The following SLC26A9 variants were observed in gnomAD, a reference collection of about 807,000 sequenced individuals.
SLC26A9 encodes solute carrier family 26 member 9.
Under a neutral mutation model 87.1 loss-of-function variants are expected in SLC26A9, and 46 were observed. That is an observed-to-expected ratio of 0.53 (90% CI 0.42 to 0.67). The LOEUF is 0.67. Among genes scored for constraint, SLC26A9 ranks in the 30% least tolerant of loss-of-function variants. The pLI, the probability that SLC26A9 is intolerant of heterozygous loss-of-function variation, is 0.00. For synonymous variants in SLC26A9, 437 were observed against 409.1 expected, an observed-to-expected ratio of 1.07 and a Z score of -0.82; for missense variants, 927 against 1,018.3, an observed-to-expected ratio of 0.91 and a Z score of 1.22.
rs375592150 is a variant in SLC26A9, at chr1:205,928,831, G to A, written c.949C>T (p.Arg317Cys). The A allele has an allele frequency of 2.0e-5, 32 of 1,614,126 alleles. No individual in the cohort carries two copies. Among genetic ancestry groups the A allele is most frequent in the African/African-American group, 5.3e-5 (4 of 75,014 alleles). ...YHMQIVGEIQ[R>C]GFPTPVSPVV... ...TTCTGGGCCACCTGGACTCACCCGC[G>A]TTGGATTTCTCCCACGATCTGCATG... Residue 317 changes from arginine to cysteine, a missense_variant, in exon 8 of 21, where the codon CGC becomes TGC. Physicochemically the swap from Arg to Cys is radical, Grantham distance 180. Coordinates refer to ENST00000367135, the MANE Select transcript of SLC26A9 (RefSeq NM_052934.4).
At position 205,921,680 on chromosome 1, in the gene SLC26A9, G is replaced by A. The variant is rs766357475; in HGVS notation, c.1941C>T (p.Gly647=). The stretch of plus-strand genomic sequence containing the variant: ...CGCTGGCCAGCATGTCACTGGGCTC[G>A]CCGGGGGCCTCAGCGGAGGCTGGTG... The part of the protein sequence containing the change: ...SEPPASAEAP[G]EPSDMLASVP... The change falls in exon 17 of 21, where the codon GGC becomes GGT. Residue 647 remains glycine, a synonymous_variant. Transcript: ENST00000367135. The A allele has an allele frequency of 1.6e-5, 25 of 1,597,676 alleles. No homozygotes were observed. Among genetic ancestry groups the A allele is most frequent in the Non-Finnish European group, 1.8e-5 (21 of 1,172,372 alleles).
chr1:205,925,389 C>T (rs1692017), intron 12 of SLC26A9, among the ~76,000 whole-genome samples: 2 of 152,104 alleles, frequency 1.3e-5, no homozygotes, highest in African/African-American at 4.8e-5. Context: ...GGAAATTCCT[C>T]TAAAGGAAAT....
chr1:205,914,092 G>A lies in SLC26A9; in HGVS notation c.*1265C>T, dbSNP rs927201771. 24 of 152,184 alleles carry A rather than the reference G, an allele frequency of 1.6e-4. No individual in the cohort carries two copies. The highest frequency in any genetic ancestry group is 1.6e-3 in the Admixed American group (24 of 15,280). 9.4% of individuals were successfully genotyped at this position (152,184 alleles called of 1,614,324 possible). ...CCTCTCAATACCTCCTTGTACATAT[G>A]GAAAACTTAACCCCTATTTTCATCT... On this transcript the variant is annotated 3_prime_UTR_variant, in exon 21 of 21. Transcript: ENST00000367135.
Position 205,923,074 on chromosome 1 carries a change from T to C in SLC26A9, c.1773+8A>G, listed in dbSNP as rs374054686. On this transcript the variant is annotated splice_region_variant and intron_variant, in intron 16 of 20. Coordinates refer to ENST00000367135, the MANE Select transcript of SLC26A9 (RefSeq NM_052934.4). Reference sequence around the variant, plus strand: ...CAGGGCACGGGGCTGCTTCTGGCCTTCATTCACCTTGGTTTTCATGAATAG... The same window carrying C: ...CAGGGCACGGGGCTGCTTCTGGCCTCCATTCACCTTGGTTTTCATGAATAG... 4 of 1,613,064 alleles carry C rather than the reference T, an allele frequency of 2.5e-6. No individual in the cohort carries two copies. The highest frequency in any genetic ancestry group is 3.4e-6 in the Non-Finnish European group (4 of 1,179,188).
intron 8 of SLC26A9, chr1:205,928,520 C>T: frequency 2.1e-6 from 1 of 476,354 alleles, no homozygotes; most frequent in East Asian, 3.7e-5. Context: ...GGACAAAGAA[C>T]CAATGCATTA....
chr1:205,917,441 C>T (rs771420591), intron 19 of SLC26A9, 87 bp from the exon 20 acceptor site: 198 of 1,362,134 alleles, frequency 1.5e-4, no homozygotes, highest in Non-Finnish European at 1.9e-4. Context: ...GACAGGTGGC[C>T]GGCTCTGGTT....
chr1:205,927,128 G>A lies in SLC26A9; in HGVS notation c.1293+83C>T, dbSNP rs76093999. 3,174 of 1,412,548 alleles carry A rather than the reference G, an allele frequency of 2.2e-3. 33 individuals carry two copies. Among genetic ancestry groups the A allele is most frequent in the Middle Eastern group, 0.017 (90 of 5,328 alleles). 87.5% of individuals were successfully genotyped at this position (1,412,548 alleles called of 1,614,324 possible). A position where few individuals can be genotyped will look rare whatever the true frequency, so the allele number is the denominator to read the frequency against. On this transcript the variant is annotated intron_variant, in intron 11 of 20. Coordinates refer to ENST00000367135, the MANE Select transcript of SLC26A9 (RefSeq NM_052934.4). ...AAGTGTGACAACAGTGGCACTTTGT[G>A]GTCCGTAAAGTGCCACACAACTCTC...
intron 20 of SLC26A9, 33 bp from the exon 21 acceptor site, chr1:205,915,437 A>AAGAG (rs764709523): frequency 1.2e-6 from 2 of 1,613,150 alleles, no homozygotes; most frequent in South Asian, 2.2e-5. Context: ...GTGGGAGGGG[A>AAGAG]AGAGAGAGGT....
chr1:205,914,604 G>C lies in SLC26A9; in HGVS notation c.*753C>G. ...CCTCCAGGGGAAGGGAGCAGCCTCT[G>C]AGGGCAGTGATGTTTCAGGAGGCTG... On this transcript the variant is annotated 3_prime_UTR_variant, in exon 21 of 21. Coordinates refer to ENST00000367135, the MANE Select transcript of SLC26A9 (RefSeq NM_052934.4). 1 of 365,612 alleles carries C rather than the reference G, an allele frequency of 2.7e-6. No homozygotes were observed. Among genetic ancestry groups the C allele is most frequent in the Admixed American group, 4.2e-5 (1 of 23,660 alleles). 22.6% of individuals were successfully genotyped at this position (365,612 alleles called of 1,614,324 possible). A position where few individuals can be genotyped will look rare whatever the true frequency, so the allele number is the denominator to read the frequency against.
chr1:205,921,635 G>T lies in SLC26A9; in HGVS notation c.1986C>A (p.Phe662Leu). The change falls in exon 17 of 21, where the codon TTC (phenylalanine) becomes TTA (leucine). Residue 662 changes from phenylalanine to leucine, a missense_variant. Transcript: ENST00000367135. ...CACTCATGTCCAGGATGAGGGTGTG[G>T]AAGGTGACGAAGGGTGGGACGCTGG... Reference protein sequence around the residue: ...MLASVPPFVTFHTLILDMSGV... With the variant: ...MLASVPPFVTLHTLILDMSGV... 6.2e-7 allele frequency: 1 copy of T among 1,610,266 alleles called. No homozygotes were observed. The highest frequency in any genetic ancestry group is 8.5e-7 in the Non-Finnish European group (1 of 1,178,446).
rs146581591 is a variant in SLC26A9, at chr1:205,929,943, G to A, written c.666C>T (p.Tyr222=). ...AGGAGGGGATGGTCAGTCCGAAGAT[G>A]TACTTGAGCACCGAAATCAGGATCT... ...GLQILISVLK[Y]IFGLTIPSYT... is the part of the protein sequence containing the mutation. Residue 222 remains tyrosine (Y), a synonymous_variant, in exon 6 of 21, where the codon TAC becomes TAT. Coordinates refer to ENST00000367135, the MANE Select transcript of SLC26A9 (RefSeq NM_052934.4). The A allele has an allele frequency of 3.2e-4, 514 of 1,613,718 alleles. 1 individual carries two copies. The East Asian group carries it at 0.011, about 35-fold the overall frequency.
intron 19 of SLC26A9, among the ~76,000 whole-genome samples, chr1:205,918,168 G>C (rs1375344011): frequency 6.6e-6 from 1 of 152,200 alleles, no homozygotes; most frequent in Non-Finnish European, 1.5e-5. Context: ...CACAACAAGA[G>C]TCTTGGGAGG....
rs1171173129 is a variant in SLC26A9 at position 205,927,257 on chromosome 1, A to C, written c.1247T>G (p.Met416Arg). The C allele has an allele frequency of 1.6e-5, 26 of 1,614,092 alleles. No individual in the cohort carries two copies. The highest frequency in any genetic ancestry group is 2.2e-5 in the Non-Finnish European group (26 of 1,180,036). ...VASLCVSLVVMITMLVLGIYL... is the reference protein window; with the variant it reads ...VASLCVSLVVRITMLVLGIYL... Reference sequence around the variant, plus strand: ...GATCCCCAGGACCAGCATGGTGATCATCACCACCAGAGACACACACAGGCT... The same window carrying C: ...GATCCCCAGGACCAGCATGGTGATCCTCACCACCAGAGACACACACAGGCT... The change falls in exon 11 of 21, where the codon ATG becomes AGG. Residue 416 changes from methionine (M) to arginine (R), a missense_variant. Physicochemically the swap from Met to Arg is moderately conservative, Grantham distance 91. Transcript: ENST00000367135.
intron 3 of SLC26A9, 53 bp from the exon 4 acceptor site, chr1:205,932,865 C>A: frequency 6.3e-7 from 1 of 1,599,230 alleles, no homozygotes. Flanking sequence ...TTATGGGGAT[C>A]ACAGAGGGAT....
intron 12 of SLC26A9, chr1:205,924,725 C>A: frequency 2.1e-6 from 1 of 483,840 alleles, no homozygotes; most frequent in South Asian, 2.5e-5. Context: ...TTAGTAGAAG[C>A]CCCAGCACAC....
intron 18 of SLC26A9, among the ~76,000 whole-genome samples, chr1:205,919,404 G>C (rs757651768): frequency 2.3e-4 from 35 of 152,146 alleles, no homozygotes; most frequent in Non-Finnish European, 4.4e-4. Context: ...GTTTCCTGAG[G>C]GGGTGTCCAG....
chr1:205,924,480 C>T lies in SLC26A9; in HGVS notation c.1399G>A (p.Val467Ile). The stretch of plus-strand genomic sequence containing the variant: ...AAGAAGGAGGAGAGGAAGCTCACTA[C>T]CCAGATGCACTGTGAAAAGAGAGAT... ...RKSKLDCCIW[V>I]VSFLSSFFLS... The change falls in exon 13 of 21, where the codon GTA becomes ATA. Residue 467 changes from valine (V) to isoleucine (I), a missense_variant. By Grantham distance (29) the Val-to-Ile change is conservative. Coordinates refer to ENST00000367135, the MANE Select transcript of SLC26A9 (RefSeq NM_052934.4). The T allele has an allele frequency of 6.2e-7, 1 of 1,614,122 alleles. No homozygotes were observed. The highest frequency in any genetic ancestry group is 8.5e-7 in the Non-Finnish European group (1 of 1,180,008).
intron 6 of SLC26A9, 37 bp downstream of exon 6, chr1:205,929,855 C>G (rs774056387): frequency 8.3e-6 from 13 of 1,559,282 alleles, no homozygotes; most frequent in Non-Finnish European, 1.1e-5. Context: ...TCTGCTGGAG[C>G]CTTGCTCCAA....
chr1:205,924,519 C>A, intron 12 of SLC26A9, 30 bp from the exon 13 acceptor site: 1 of 1,608,154 alleles, frequency 6.2e-7, no homozygotes, highest in South Asian at 1.1e-5. Context: ...AAAAGCAGAC[C>A]TGGGGAAAAA....
Sources: gnomAD v4.1 joint callset for allele counts (sites outside exome capture counted in the v4.1 genomes callset) on GRCh38, gnomAD v4.1.1 for gene constraint, MANE v1.5 for transcripts, NCBI Gene and HGNC (gene_info 2026-07-23, HGNC 2026-07-21) for gene names.